Variants in TOGARAM1 observed in about 807,000 individuals in gnomAD.
TOGARAM1 encodes TOG array regulator of axonemal microtubules protein 1.
In TOGARAM1, 100 loss-of-function variants were observed where a neutral mutation model predicts 166.6. The observed-to-expected ratio is 0.60, with a 90% CI of 0.51 to 0.71. TOGARAM1 has a LOEUF of 0.71. Ranked by LOEUF, TOGARAM1 falls within the 30% of genes least tolerant of loss-of-function variation. TOGARAM1 has a pLI of 0.00. For missense variants in TOGARAM1, 2,029 were observed against 2,102.7 expected (o/e 0.96, Z 0.69); for synonymous variants, 758 against 763.8 (o/e 0.99, Z 0.13).
intron 1 of TOGARAM1, among the ~76,000 whole-genome samples, chr14:44,976,753 T>A (rs1447484856): frequency 6.6e-6 from 1 of 152,230 alleles, no homozygotes; most frequent in African/African-American, 2.4e-5. Context: ...GGGGTTCTTA[T>A]GTCTTATGTG....
chr14:45,072,957 C>T (rs952116577), intron 19 of TOGARAM1, among the ~76,000 whole-genome samples: 1 of 152,116 alleles, frequency 6.6e-6, no homozygotes, highest in Non-Finnish European at 1.5e-5. Context: ...TTACAGAAAA[C>T]TGCTATTTCA....
chr14:45,068,988 T>C (rs1487646267), intron 18 of TOGARAM1, among the ~76,000 whole-genome samples: 2 of 151,840 alleles, frequency 1.3e-5, no homozygotes, highest in African/African-American at 4.8e-5. Flanking sequence ...ATAAACTAAC[T>C]CAAAATGGAT....
intron 1 of TOGARAM1, among the ~76,000 whole-genome samples, chr14:44,972,865 A>G (rs1460000590): frequency 6.6e-6 from 1 of 152,146 alleles, no homozygotes; most frequent in Non-Finnish European, 1.5e-5. Flanking sequence ...ACATACAGTA[A>G]GTCCTCAAAT....
chr14:45,006,082 C>A lies in TOGARAM1; in HGVS notation c.2719C>A (p.Leu907Ile). The change falls in exon 5 of 20, where the codon CTA (leucine) becomes ATA (isoleucine). Residue 907 changes from leucine to isoleucine, a missense_variant. Around this residue, in one of 2 missense-constraint regions of TOGARAM1, gnomAD observed 1,453 missense variants for 1,432.2 expected, o/e 1.01. Transcript: ENST00000361462. ...GAGATCGCCATCTTCCCGACGAGGTCTAAATGGGACAAAGCCTGTTCCTCC... is the reference window on the plus strand; with the variant it reads ...GAGATCGCCATCTTCCCGACGAGGTATAAATGGGACAAAGCCTGTTCCTCC... ...LVRSPSSRRG[L>I]NGTKPVPPIP... 6.2e-7 allele frequency: 1 copy of A among 1,613,646 alleles called. No homozygotes were observed. The highest frequency in any genetic ancestry group is 1.1e-5 in the South Asian group (1 of 91,012).
intron 18 of TOGARAM1, among the ~76,000 whole-genome samples, chr14:45,070,324 C>T (rs1319612580): frequency 9.9e-5 from 15 of 152,112 alleles, no homozygotes; most frequent in African/African-American, 3.6e-4. Context: ...TGAGTGACAC[C>T]ATCAGACCTA....
chr14:45,001,087 T>C (rs188516758), intron 3 of TOGARAM1, among the ~76,000 whole-genome samples: 1 of 152,292 alleles, frequency 6.6e-6, no homozygotes, highest in African/African-American at 2.4e-5. Flanking sequence ...TGTACTAATT[T>C]AGCTTCCCAC....
intron 3 of TOGARAM1, among the ~76,000 whole-genome samples, chr14:44,999,993 T>G (rs1329821967): frequency 6.6e-6 from 1 of 152,110 alleles, no homozygotes; most frequent in Non-Finnish European, 1.5e-5. Context: ...TTATTTTATT[T>G]ATTTATTTAT....
At chr14:45,060,749 A>T (rs1443195745) in intron 16 of TOGARAM1, among the ~76,000 whole-genome samples, 2 of 152,158 alleles carry the variant, frequency 1.3e-5, no homozygotes, top group Non-Finnish European at 2.9e-5. Flanking sequence ...GGTTTATCTG[A>T]TATTTTCTCA....
intron 19 of TOGARAM1, 82 bp downstream of exon 19, chr14:45,071,880 G>A: frequency 9.6e-7 from 1 of 1,036,480 alleles, no homozygotes; most frequent in Non-Finnish European, 1.4e-6. Context: ...TTTTAGGATA[G>A]CTACCAACTT....
intron 7 of TOGARAM1, among the ~76,000 whole-genome samples, chr14:45,023,974 C>A (rs1880679869): frequency 6.6e-6 from 1 of 152,202 alleles, no homozygotes; most frequent in Non-Finnish European, 1.5e-5. Flanking sequence ...CTCCTGACCT[C>A]AGGTGATCTG....
chr14:45,047,467 C>T (rs1882129398), intron 14 of TOGARAM1, among the ~76,000 whole-genome samples: 1 of 151,456 alleles, frequency 6.6e-6, no homozygotes, highest in Non-Finnish European at 1.5e-5. Context: ...GAGATATCTG[C>T]AGTGTGAAAA....
intron 1 of TOGARAM1, among the ~76,000 whole-genome samples, chr14:44,971,932 T>C (rs1236791779): frequency 6.6e-6 from 1 of 152,154 alleles, no homozygotes; most frequent in Non-Finnish European, 1.5e-5. Flanking sequence ...TAGTTCCTCA[T>C]GGCTGGGTAG....
intron 7 of TOGARAM1, among the ~76,000 whole-genome samples, chr14:45,017,903 C>A (rs1678265893): frequency 6.6e-6 from 1 of 151,994 alleles, no homozygotes; most frequent in Non-Finnish European, 1.5e-5. Context: ...AAAAAAGAAC[C>A]ATTGTTAAGA....
chr14:45,045,184 G>A lies in TOGARAM1; in HGVS notation c.4154+314G>A, dbSNP rs112621558. Among the ~76,000 whole-genome samples the A allele has an allele frequency of 1.3e-4, 19 of 151,810 alleles. 3 individuals carry two copies. Among genetic ancestry groups the A allele is most frequent in the African/African-American group, 3.9e-4 (16 of 41,434 alleles). ...TTTTTTATTAATTTTTATTTCAATA[G>A]CTTTTAGGGTACAAGTGGTTTTTTG... On this transcript the variant is annotated intron_variant, in intron 13 of 19. Coordinates refer to ENST00000361462, the MANE Select transcript of TOGARAM1 (RefSeq NM_001308120.2).
At chr14:44,974,554 T>G (rs1192428411) in intron 1 of TOGARAM1, among the ~76,000 whole-genome samples, 1 of 152,162 alleles carries the variant, frequency 6.6e-6, no homozygotes, top group Non-Finnish European at 1.5e-5. Context: ...TTACTGTGCC[T>G]TATTATTTTT....
At position 44,962,267 on chromosome 14, in the gene TOGARAM1, C is replaced by T. The variant is rs531281925; in HGVS notation, c.-155C>T. On this transcript the variant is annotated 5_prime_UTR_variant, in exon 1 of 20. Coordinates refer to ENST00000361462, the MANE Select transcript of TOGARAM1 (RefSeq NM_001308120.2). ...CGGGGGCCATTTTGCCAGAGGCTGCCTCCCGGAGTTGGGGGCGGCCTGGCG... is the reference window on the plus strand; with the variant it reads ...CGGGGGCCATTTTGCCAGAGGCTGCTTCCCGGAGTTGGGGGCGGCCTGGCG... 9.8e-5 allele frequency: 90 copies of T among 922,216 alleles called. No homozygotes were observed. The African/African-American group carries it at 1.4e-3, about 14-fold the overall frequency. The allele number at this position is 922,216 out of a possible 1,614,324, so 57.1% of individuals were successfully genotyped here. A position where few individuals can be genotyped will look rare whatever the true frequency, so the allele number is the denominator to read the frequency against.
chr14:44,977,163 G>C lies in TOGARAM1; in HGVS notation c.2046+12696G>C, dbSNP rs551127732. Among the ~76,000 whole-genome samples, 8 of 150,916 alleles carry C rather than the reference G, an allele frequency of 5.3e-5. No homozygotes were observed. In the South Asian group the frequency reaches 1.7e-3, roughly 32 times the overall value. ...CATATTCTGCTTTATATATATGATT[G>C]ATTGACTAGAAATAAAATAATTTGG... On this transcript the variant is annotated intron_variant, in intron 1 of 19. Coordinates refer to ENST00000361462, the MANE Select transcript of TOGARAM1 (RefSeq NM_001308120.2).
intron 14 of TOGARAM1, among the ~76,000 whole-genome samples, chr14:45,047,004 T>C (rs1882097736): frequency 6.6e-6 from 1 of 152,212 alleles, no homozygotes; most frequent in Admixed American, 6.5e-5. Flanking sequence ...GCAGAAGAAC[T>C]TCATTATGGG....
At position 45,004,342 on chromosome 14, in the gene TOGARAM1, T is replaced by C. The variant is rs750542373; in HGVS notation, c.2620T>C (p.Ser874Pro). The change falls in exon 4 of 20, where the codon TCT becomes CCT. Residue 874 changes from serine (S) to proline (P), a missense_variant. Physicochemically the swap from Ser to Pro is moderately conservative, Grantham distance 74 (BLOSUM62 -1). Coordinates refer to ENST00000361462, the MANE Select transcript of TOGARAM1 (RefSeq NM_001308120.2). ...PQKKLVSQKS[S>P]DPTGRNHGEN... is the part of the protein sequence containing the mutation. ...GAAGAAGCTTGTCAGCCAAAAATCG[T>C]CTGATCCTACGGGTAGAAATCATGG... 1 of 1,613,884 alleles carries C rather than the reference T, an allele frequency of 6.2e-7. No individual in the cohort carries two copies. Among genetic ancestry groups the C allele is most frequent in the Non-Finnish European group, 8.5e-7 (1 of 1,179,904 alleles).
Sources: allele counts gnomAD v4.1 joint callset (sites outside exome capture counted in the v4.1 genomes callset), GRCh38; gene constraint gnomAD v4.1.1; regional missense constraint gnomAD v4.1.1; transcripts MANE v1.5; gene names NCBI Gene and HGNC (gene_info 2026-07-23, HGNC 2026-07-21).